Variants in DRD3 observed in about 807,000 individuals in gnomAD.
DRD3 encodes the protein dopamine receptor D3.
A neutral mutation model predicts 36.3 loss-of-function variants in DRD3; 19 were observed. The ratio of observed to expected loss-of-function variants is 0.52; its 90% CI spans 0.36 to 0.77. DRD3 has a LOEUF of 0.77. Among genes scored for constraint, DRD3 ranks in the 30% least tolerant of loss-of-function variants. The pLI is 0.00. For synonymous variants in DRD3, 195 were observed against 203.7 expected, an observed-to-expected ratio of 0.96 and a Z score of 0.36; for missense variants, 465 against 505.3, an observed-to-expected ratio of 0.92 and a Z score of 0.77.
chr3:114,183,396 CATT>C (rs2077958531), upstream of DRD3, among the ~76,000 whole-genome samples: 1 of 152,144 alleles, frequency 6.6e-6, no homozygotes, highest in African/African-American at 2.4e-5. Context: ...ATGTGCATAT[CATT>C]GTTGTTGGGT....
intron 3 of DRD3, among the ~76,000 whole-genome samples, chr3:114,156,780 T>C (rs2107861134): frequency 9.0e-6 from 1 of 111,246 alleles, no homozygotes; most frequent in African/African-American, 3.1e-5. Flanking sequence ...TCTTTCTTTC[T>C]TTCTTTCTTT....
At chr3:114,157,273 C>T (rs1264566826) in intron 3 of DRD3, among the ~76,000 whole-genome samples, 12 of 152,000 alleles carry the variant, frequency 7.9e-5, no homozygotes, top group African/African-American at 2.7e-4. Flanking sequence ...AGCCTGGTCT[C>T]GAACTCCTGA....
chr3:114,158,845 G>A lies in DRD3; in HGVS notation c.383+910C>T, dbSNP rs368455573. ...GATATTACTGGGAGAAGGAGAAGAA[G>A]CGGAATGGAAAGTGGGAGGGAGAGA... On this transcript the variant is annotated intron_variant, in intron 3 of 6. Transcript: ENST00000383673. Among the ~76,000 whole-genome samples, 16 of 152,278 alleles carry A rather than the reference G, an allele frequency of 1.1e-4. No homozygotes were observed. In the East Asian group the frequency reaches 2.1e-3, roughly 20 times the overall value.
At chr3:114,140,076 G>A (rs2077511676) in intron 4 of DRD3, among the ~76,000 whole-genome samples, 2 of 152,168 alleles carry the variant, frequency 1.3e-5, no homozygotes, top group African/African-American at 2.4e-5. Flanking sequence ...GCATTACAGG[G>A]CAACAGGGCA....
intron 1 of DRD3, among the ~76,000 whole-genome samples, chr3:114,194,956 ACTTACGGGAAG>A (rs1012228927): frequency 1.3e-5 from 2 of 152,174 alleles, no homozygotes; most frequent in Non-Finnish European, 2.9e-5. Context: ...CTTTCTCCAG[ACTTACGGGAAG>A]CTTGTCTGCT....
In DRD3 at chr3:114,147,527, G is replaced by A; in HGVS notation, c.414C>T (p.Tyr138=). 6.2e-7 allele frequency: 1 copy of A among 1,614,096 alleles called. No individual in the cohort carries two copies. Among genetic ancestry groups the A allele is most frequent in the East Asian group, 2.2e-5 (1 of 44,866 alleles). ...AGGAGCTCTGTCCCGTGCCATGCTG[G>A]TAGTGAACGGGCATGACCACTGCAG... ...RYTAVVMPVH[Y]QHGTGQSSCR... Residue 138 remains tyrosine (Y), a synonymous_variant, in exon 4 of 7, where the codon TAC becomes TAT. Transcript: ENST00000383673.
At chr3:114,191,884 A>G (rs1049680537) in intron 1 of DRD3, among the ~76,000 whole-genome samples, 2 of 152,230 alleles carry the variant, frequency 1.3e-5, no homozygotes, top group African/African-American at 2.4e-5. Flanking sequence ...GGATCAATCA[A>G]TTAGAGGAAA....
At chr3:114,192,049 G>A (rs1015705334) in intron 1 of DRD3, among the ~76,000 whole-genome samples, 1 of 152,194 alleles carries the variant, frequency 6.6e-6, no homozygotes, top group Non-Finnish European at 1.5e-5. Flanking sequence ...TGGAAAAAAA[G>A]GGAAGGCTTC....
chr3:114,167,247 A>C (rs1412201393), intron 2 of DRD3, among the ~76,000 whole-genome samples: 2 of 152,124 alleles, frequency 1.3e-5, no homozygotes, highest in Admixed American at 1.3e-4. Context: ...AGTATTCCAA[A>C]TGTTCCCCTG....
At chr3:114,175,633 A>C (rs1414279800) in intron 1 of DRD3, among the ~76,000 whole-genome samples, 1 of 152,212 alleles carries the variant, frequency 6.6e-6, no homozygotes, top group Admixed American at 6.5e-5. Context: ...AAAGGATCTA[A>C]GATCAGATGT....
intron 3 of DRD3, among the ~76,000 whole-genome samples, chr3:114,154,200 G>A (rs1432126075): frequency 6.6e-6 from 1 of 152,126 alleles, no homozygotes; most frequent in African/African-American, 2.4e-5. Flanking sequence ...GGTTCTATGA[G>A]CAGGATGTTG....
At chr3:114,184,129 T>C (rs2077962382) in intron 1 of DRD3, among the ~76,000 whole-genome samples, 1 of 152,186 alleles carries the variant, frequency 6.6e-6, no homozygotes, top group African/African-American at 2.4e-5. Context: ...TTGTTTATAT[T>C]CCTTAACTAT....
chr3:114,171,892 A>T lies in DRD3; in HGVS notation c.101T>A (p.Leu34His). 6.2e-7 allele frequency: 1 copy of T among 1,611,768 alleles called. No homozygotes were observed. The highest frequency in any genetic ancestry group is 1.1e-5 in the South Asian group (1 of 90,658). ...GGCCAGGATGAGCGCGCAGTAGGAG[A>T]GGGCATAGTAGGCATGTGGGCGGGC... ...SQARPHAYYA[L>H]SYCALILAIV... Residue 34 changes from leucine to histidine, a missense_variant, in exon 2 of 7, where the codon CTC (leucine) becomes CAC (histidine). Leu to His is a moderately conservative substitution (Grantham distance 99). Coordinates refer to ENST00000383673, the MANE Select transcript of DRD3 (RefSeq NM_000796.6).
chr3:114,196,895 T>C (rs576070053), intron 1 of DRD3, among the ~76,000 whole-genome samples: 1 of 152,216 alleles, frequency 6.6e-6, no homozygotes, highest in South Asian at 2.1e-4. Context: ...ATCTAATATA[T>C]GCTTTGTAAA....
intron 1 of DRD3, among the ~76,000 whole-genome samples, chr3:114,188,850 G>A (rs1191221136): frequency 6.6e-6 from 1 of 152,154 alleles, no homozygotes; most frequent in Non-Finnish European, 1.5e-5. Context: ...TTGCTAGCAA[G>A]GAAGACTGTA....
intron 5 of DRD3, among the ~76,000 whole-genome samples, chr3:114,135,543 C>T (rs888588574): frequency 2.6e-5 from 4 of 152,120 alleles, no homozygotes; most frequent in African/African-American, 7.2e-5. Flanking sequence ...CTTAACATGA[C>T]GTCAAGTTAA....
At chr3:114,131,653 T>G (rs899400551) in intron 5 of DRD3, among the ~76,000 whole-genome samples, 2 of 152,094 alleles carry the variant, frequency 1.3e-5, no homozygotes, top group African/African-American at 4.8e-5. Context: ...GGGAGAAAAT[T>G]TTTGCAATCT....
chr3:114,180,896 T>C (rs560429548), upstream of DRD3, among the ~76,000 whole-genome samples: 25 of 152,282 alleles, frequency 1.6e-4, no homozygotes, highest in East Asian at 4.8e-3. Context: ...CAGGCTGTTA[T>C]GTGAGCAGAA....
At chr3:114,190,192 A>G (rs1323342077) in intron 1 of DRD3, among the ~76,000 whole-genome samples, 2 of 151,788 alleles carry the variant, frequency 1.3e-5, no homozygotes, top group Non-Finnish European at 2.9e-5. Context: ...TAATTTCAAT[A>G]AAATAGCAAG....
Sources: gnomAD v4.1 joint callset for allele counts (sites outside exome capture counted in the v4.1 genomes callset) on GRCh38, gnomAD v4.1.1 for gene constraint, MANE v1.5 for transcripts, NCBI Gene and HGNC (gene_info 2026-07-23, HGNC 2026-07-21) for gene names.